The following SEPTIN9 variants were observed in gnomAD, a reference collection of about 807,000 sequenced individuals.
SEPTIN9 encodes septin-9.
In SEPTIN9, 13 loss-of-function variants were observed where a neutral mutation model predicts 56.6. That is an observed-to-expected ratio of 0.23 (90% CI 0.15 to 0.37). SEPTIN9 has a LOEUF of 0.37. SEPTIN9 is among the 10% of genes least tolerant of loss of function. SEPTIN9 has a pLI of 1.00. For missense variants in SEPTIN9, 650 were observed against 823.1 expected, an observed-to-expected ratio of 0.79 and a Z score of 2.57; for synonymous variants, 332 against 334.1, an observed-to-expected ratio of 0.99 and a Z score of 0.07.
Position 77,373,088 on chromosome 17 carries a change from C to T in SEPTIN9, c.77-28971C>T, listed in dbSNP as rs1031063671. 5.4e-5 allele frequency: 35 copies of T among 646,460 alleles called. No homozygotes were observed. The African/African-American group carries it at 6.3e-4, about 12-fold the overall frequency. 40.0% of individuals were successfully genotyped at this position (646,460 alleles called of 1,614,324 possible). On this transcript the variant is annotated intron_variant, in intron 2 of 11. Transcript: ENST00000427177. ...GGCGCCCGGGGGGAGGGGCTGAGGC[C>T]GCGTCTCTCGCCGTCCCCTGGGCGC...
chr17:77,479,125 G>A (rs1229374094), intron 3 of SEPTIN9, among the ~76,000 whole-genome samples: 1 of 152,198 alleles, frequency 6.6e-6, no homozygotes, highest in African/African-American at 2.4e-5. Flanking sequence ...AACACCACTG[G>A]ACTGCACACT....
chr17:77,460,202 T>C (rs1156233534), intron 3 of SEPTIN9, among the ~76,000 whole-genome samples: 6 of 152,096 alleles, frequency 3.9e-5, no homozygotes, highest in African/African-American at 1.2e-4. Context: ...GGTTAAGCAG[T>C]AGAAGCTCCT....
intron 1 of SEPTIN9, among the ~76,000 whole-genome samples, chr17:77,284,962 T>C (rs1176937382): frequency 1.3e-5 from 2 of 152,188 alleles, no homozygotes; most frequent in Non-Finnish European, 2.9e-5. Flanking sequence ...TGCTATGTTG[T>C]TGTAAAGGTT....
chr17:77,338,615 C>T (rs189659773), intron 2 of SEPTIN9, among the ~76,000 whole-genome samples: 35 of 152,234 alleles, frequency 2.3e-4, no homozygotes, highest in African/African-American at 7.9e-4. Context: ...GACAGGGTTT[C>T]ACCTTGTTGG....
At position 77,329,314 on chromosome 17, in the gene SEPTIN9, C is replaced by T. The variant is rs1321307269; in HGVS notation, c.76+22117C>T. ...AGGATCTCTTTGATTGCTGGATGGA[C>T]CCACCTGCCTGGCTGCCCCCGTCAG... On this transcript the variant is annotated intron_variant, in intron 2 of 11. Transcript: ENST00000427177. This position sits in a 1 kb window ranked among gnomAD's most constrained non-coding sequence, Gnocchi z 4.3. 1.3e-5 allele frequency among the ~76,000 whole-genome samples: 2 copies of T among 152,282 alleles called. No individual in the cohort carries two copies. The highest frequency in any genetic ancestry group is 2.1e-4 in the South Asian group (1 of 4,808).
chr17:77,420,756 G>A (rs1350680463), intron 3 of SEPTIN9, among the ~76,000 whole-genome samples: 1 of 152,150 alleles, frequency 6.6e-6, no homozygotes, highest in Non-Finnish European at 1.5e-5. Flanking sequence ...CGACTTTCCT[G>A]GTCCTTCTGG....
Position 77,318,732 on chromosome 17 carries a change from C to T in SEPTIN9, c.76+11535C>T, listed in dbSNP as rs371288509. Reference sequence around the variant, plus strand: ...AGGAGATTGCATTTGGGGTCCTATCCCAGGCAGAGAGCGGACGGGACTGTG... The same window carrying T: ...AGGAGATTGCATTTGGGGTCCTATCTCAGGCAGAGAGCGGACGGGACTGTG... On this transcript the variant is annotated intron_variant, in intron 2 of 11. Coordinates refer to ENST00000427177, the MANE Select transcript of SEPTIN9 (RefSeq NM_001113491.2). The surrounding 1 kb of genome is among the most constrained non-coding windows in gnomAD (Gnocchi z 4.9). Among the ~76,000 whole-genome samples the T allele has an allele frequency of 7.8e-4, 119 of 152,208 alleles. No homozygotes were observed. The highest frequency in any genetic ancestry group is 2.6e-3 in the African/African-American group (110 of 41,516).
chr17:77,438,227 C>T (rs1211105188), intron 3 of SEPTIN9, among the ~76,000 whole-genome samples: 2 of 152,224 alleles, frequency 1.3e-5, no homozygotes, highest in Admixed American at 6.5e-5. Context: ...CCTCACTCTG[C>T]GCTGACAGCC....
intron 2 of SEPTIN9, among the ~76,000 whole-genome samples, chr17:77,338,688 G>T (rs2033633842): frequency 6.6e-6 from 1 of 152,156 alleles, no homozygotes; most frequent in African/African-American, 2.4e-5. Flanking sequence ...CAAAGTGCTG[G>T]GATTACAGGC....
intron 3 of SEPTIN9, among the ~76,000 whole-genome samples, chr17:77,480,292 T>C (rs2039402235): frequency 6.6e-6 from 1 of 152,234 alleles, no homozygotes. Flanking sequence ...GCCCCCAGTT[T>C]CTGGCTTCCA....
At position 77,449,626 on chromosome 17, in the gene SEPTIN9, G is replaced by GT. The variant is rs1444337234; in HGVS notation, c.722-32516dup. Reference sequence around the variant, plus strand: ...GGGAGCTGCATCCTCGAGGCTTTCTGTTGACCCTGACACCTGGCCAGAAAG... The same window carrying GT: ...GGGAGCTGCATCCTCGAGGCTTTCTGTTTGACCCTGACACCTGGCCAGAAAG... On this transcript the variant is annotated intron_variant, in intron 3 of 11. Transcript: ENST00000427177. The surrounding 1 kb of genome is among the most constrained non-coding windows in gnomAD (Gnocchi z 4.6). Among the ~76,000 whole-genome samples the GT allele has an allele frequency of 1.3e-5, 2 of 152,228 alleles. No individual in the cohort carries two copies. Among genetic ancestry groups the GT allele is most frequent in the African/African-American group, 2.4e-5 (1 of 41,458 alleles).
intron 3 of SEPTIN9, among the ~76,000 whole-genome samples, chr17:77,420,864 C>T (rs1271417431): frequency 2.6e-5 from 4 of 152,222 alleles, no homozygotes; most frequent in Non-Finnish European, 4.4e-5. Flanking sequence ...CCACATCACT[C>T]TCAAACGCTG....
At chr17:77,353,253 G>A (rs2034119724) in intron 2 of SEPTIN9, among the ~76,000 whole-genome samples, 1 of 152,166 alleles carries the variant, frequency 6.6e-6, no homozygotes, top group Non-Finnish European at 1.5e-5. Context: ...GACTGGATGG[G>A]GTGGCTGCAT....
At chr17:77,483,795 C>T (rs1467957067) in intron 4 of SEPTIN9, 2 of 152,274 alleles carry the variant, frequency 1.3e-5, no homozygotes, top group Non-Finnish European at 2.9e-5. Flanking sequence ...GCCTCTTCGC[C>T]CTTTCAACCC....
In SEPTIN9 at chr17:77,356,335, C is replaced by T. The variant is rs537144101; in HGVS notation, c.77-45724C>T. ...CCGGTGGGGACTCCGGGCTGAGCTC[C>T]TGTGGCTGTGGAACCTTGGTGGTTT... On this transcript the variant is annotated intron_variant, in intron 2 of 11. Coordinates refer to ENST00000427177, the MANE Select transcript of SEPTIN9 (RefSeq NM_001113491.2). Among the ~76,000 whole-genome samples the T allele has an allele frequency of 7.2e-5, 11 of 152,192 alleles. No homozygotes were observed. In the South Asian group the frequency reaches 2.1e-3, roughly 29 times the overall value.
chr17:77,488,624 T>C, intron 6 of SEPTIN9, 103 bp from the exon 7 acceptor site: 1 of 1,510,792 alleles, frequency 6.6e-7, no homozygotes. Flanking sequence ...GGGCATGCAT[T>C]TCATTGGAAG....
At chr17:77,462,055 C>T (rs1214140093) in intron 3 of SEPTIN9, among the ~76,000 whole-genome samples, 1 of 152,184 alleles carries the variant, frequency 6.6e-6, no homozygotes, top group Non-Finnish European at 1.5e-5. Context: ...ATTACAAAGA[C>T]CTGATCAGAA....
intron 2 of SEPTIN9, chr17:77,397,198 G>T (rs1407276627): frequency 6.5e-6 from 1 of 154,414 alleles, no homozygotes; most frequent in African/African-American, 2.4e-5. Context: ...CAAGGTATTG[G>T]CAGGACCACA....
chr17:77,368,928 A>G (rs1162292559), intron 2 of SEPTIN9, among the ~76,000 whole-genome samples: 1 of 152,198 alleles, frequency 6.6e-6, no homozygotes, highest in Admixed American at 6.5e-5. Context: ...TCTCACCTCC[A>G]ATGATGTCAT....
Sources: allele counts gnomAD v4.1 joint callset (sites outside exome capture counted in the v4.1 genomes callset), GRCh38; gene constraint gnomAD v4.1.1; non-coding constraint Gnocchi (gnomAD v3.1); transcripts MANE v1.5; gene names NCBI Gene and HGNC (gene_info 2026-07-23, HGNC 2026-07-21).